Variants in PDSS2 observed in about 807,000 individuals in gnomAD.
PDSS2 encodes all trans-polyprenyl-diphosphate synthase PDSS2.
Under a neutral mutation model 44.5 loss-of-function variants are expected in PDSS2, and 31 were observed. The ratio of observed to expected loss-of-function variants is 0.70; its 90% CI spans 0.52 to 0.94. The LOEUF (loss-of-function observed/expected upper bound fraction) is 0.94, where lower values mean the gene tolerates loss of function less well. PDSS2 is among the 40% of genes least tolerant of loss of function. The pLI, the probability that PDSS2 is intolerant of heterozygous loss-of-function variation, is 0.00. For synonymous variants in PDSS2, 157 were observed against 180.3 expected, an observed-to-expected ratio of 0.87 and a Z score of 1.03; for missense variants, 452 against 482.2, an observed-to-expected ratio of 0.94 and a Z score of 0.59.
chr6:107,433,099 G>A (rs2114764374), intron 1 of PDSS2, among the ~76,000 whole-genome samples: 1 of 151,964 alleles, frequency 6.6e-6, no homozygotes, highest in Non-Finnish European at 1.5e-5. Flanking sequence ...CTCATCTTAT[G>A]AAATAGTAAA....
chr6:107,436,748 GATGA>G (rs1236312451), intron 1 of PDSS2, among the ~76,000 whole-genome samples: 2 of 152,048 alleles, frequency 1.3e-5, no homozygotes, highest in Non-Finnish European at 2.9e-5. Context: ...ACAAAGAAGT[GATGA>G]ATGTTTGAAA....
chr6:107,259,828 C>T (rs527497731), intron 3 of PDSS2, among the ~76,000 whole-genome samples: 2 of 152,174 alleles, frequency 1.3e-5, no homozygotes, highest in South Asian at 4.1e-4. Context: ...TGCTATGTAG[C>T]TCAACACATT....
chr6:107,293,101 C>T (rs1776399079), intron 2 of PDSS2, among the ~76,000 whole-genome samples: 3 of 152,122 alleles, frequency 2.0e-5, no homozygotes, highest in Admixed American at 2.0e-4. Flanking sequence ...ACATGAATTC[C>T]AATGAAAGCC....
intron 1 of PDSS2, among the ~76,000 whole-genome samples, chr6:107,439,681 TAC>T (rs1481342570): frequency 6.6e-6 from 1 of 152,208 alleles, no homozygotes; most frequent in Non-Finnish European, 1.5e-5. Context: ...GAGAAGCACT[TAC>T]AGTGGTACGT....
At chr6:107,208,174 C>T (rs750031404) in intron 6 of PDSS2, among the ~76,000 whole-genome samples, 19 of 144,294 alleles carry the variant, frequency 1.3e-4, no homozygotes, top group Non-Finnish European at 2.4e-4. Context: ...TTAGTAGAGA[C>T]GGGGTTTCAC....
intron 4 of PDSS2, among the ~76,000 whole-genome samples, chr6:107,229,478 C>T (rs1021568875): frequency 1.3e-5 from 2 of 152,098 alleles, no homozygotes; most frequent in Non-Finnish European, 2.9e-5. Flanking sequence ...CAACTGTGCC[C>T]GGCCTCACTT....
intron 1 of PDSS2, among the ~76,000 whole-genome samples, chr6:107,426,772 A>AT (rs1027542716): frequency 2.6e-5 from 4 of 152,102 alleles, no homozygotes. Context: ...GCCCTGCTTG[A>AT]TTTTGGACTT....
chr6:107,438,597 A>T (rs973346274), intron 1 of PDSS2, among the ~76,000 whole-genome samples: 1 of 152,128 alleles, frequency 6.6e-6, no homozygotes, highest in African/African-American at 2.4e-5. Flanking sequence ...GAGAGTCAGG[A>T]ACTCTCACCC....
chr6:107,301,921 C>CAAAAA (rs10592658), intron 2 of PDSS2, among the ~76,000 whole-genome samples: 3 of 78,644 alleles, frequency 3.8e-5, no homozygotes, highest in Admixed American at 3.2e-4. Flanking sequence ...GACTCTATCT[C>CAAAAA]AAAAAAAAAA....
chr6:107,427,822 T>G (rs1781054032), intron 1 of PDSS2, among the ~76,000 whole-genome samples: 1 of 152,178 alleles, frequency 6.6e-6, no homozygotes. Flanking sequence ...AAAAAAATGG[T>G]TTGTAGATAG....
chr6:107,234,160 C>T (rs1259665784), intron 4 of PDSS2, among the ~76,000 whole-genome samples: 1 of 151,990 alleles, frequency 6.6e-6, no homozygotes, highest in Non-Finnish European at 1.5e-5. Context: ...ATCACTCCAA[C>T]TTCCTTTCCA....
intron 7 of PDSS2, among the ~76,000 whole-genome samples, chr6:107,186,384 C>T (rs1772164849): frequency 6.6e-6 from 1 of 152,100 alleles, no homozygotes; most frequent in Non-Finnish European, 1.5e-5. Flanking sequence ...TCACCTCTTC[C>T]ACACTCTCCC....
At position 107,434,147 on chromosome 6, in the gene PDSS2, C is replaced by T. The variant is rs565255817; in HGVS notation, c.296+24843G>A. On this transcript the variant is annotated intron_variant, in intron 1 of 7. Coordinates refer to ENST00000369037, the MANE Select transcript of PDSS2 (RefSeq NM_020381.4). ...ATAGTGAAAAGAGGACTCTCATACA[C>T]GACTAGTGGGCATGTAAATTAGTAC... 2.6e-4 allele frequency among the ~76,000 whole-genome samples: 40 copies of T among 152,282 alleles called. No individual in the cohort carries two copies. In the South Asian group the frequency reaches 6.6e-3, roughly 25 times the overall value.
At chr6:107,209,296 A>C (rs575723359) in intron 6 of PDSS2, among the ~76,000 whole-genome samples, 2 of 152,258 alleles carry the variant, frequency 1.3e-5, no homozygotes, top group African/African-American at 2.4e-5. Context: ...TATTCTGGGC[A>C]CTTAGATCCT....
intron 1 of PDSS2, among the ~76,000 whole-genome samples, chr6:107,405,455 G>T (rs916252707): frequency 7.9e-5 from 12 of 151,372 alleles, no homozygotes; most frequent in Admixed American, 6.6e-4. Context: ...AGAAACAAAG[G>T]ATCTACAAAG....
chr6:107,243,259 G>C (rs1582837031), intron 4 of PDSS2, among the ~76,000 whole-genome samples: 1 of 152,088 alleles, frequency 6.6e-6, no homozygotes, highest in Non-Finnish European at 1.5e-5. Flanking sequence ...TGAATTTCAG[G>C]CTTTTCCTCT....
intron 1 of PDSS2, among the ~76,000 whole-genome samples, chr6:107,337,946 A>C (rs911161735): frequency 6.6e-6 from 1 of 152,066 alleles, no homozygotes; most frequent in African/African-American, 2.4e-5. Context: ...GAGAGCATTC[A>C]GAAAAGCACA....
At chr6:107,328,188 T>C (rs193001480) in intron 2 of PDSS2, among the ~76,000 whole-genome samples, 16 of 152,348 alleles carry the variant, frequency 1.1e-4, no homozygotes, top group Non-Finnish European at 1.5e-5. Flanking sequence ...GCATATTCTA[T>C]GTATGAGGCA....
At chr6:107,252,338 A>C (rs2114836502) in intron 3 of PDSS2, among the ~76,000 whole-genome samples, 1 of 152,298 alleles carries the variant, frequency 6.6e-6, no homozygotes, top group African/African-American at 2.4e-5. Context: ...TTCTGGAGGA[A>C]GCTTCTAACT....
Sources: allele counts gnomAD v4.1 joint callset (sites outside exome capture counted in the v4.1 genomes callset), GRCh38; gene constraint gnomAD v4.1.1; transcripts MANE v1.5; gene names NCBI Gene and HGNC (gene_info 2026-07-23, HGNC 2026-07-21).